TMEM117: variants seen among roughly 807,000 people sequenced by gnomAD.
TMEM117 encodes transmembrane protein 117.
TMEM117 carries 27 observed loss-of-function variants against 52.4 expected under a neutral mutation model. That is an observed-to-expected ratio of 0.51 (90% CI 0.38 to 0.71). The LOEUF (loss-of-function observed/expected upper bound fraction) is 0.71, where lower values mean the gene tolerates loss of function less well. Ranked by LOEUF, TMEM117 falls within the 30% of genes least tolerant of loss-of-function variation. The pLI, the probability that TMEM117 is intolerant of heterozygous loss-of-function variation, is 0.00. For missense variants in TMEM117, 556 were observed against 630.5 expected, an observed-to-expected ratio of 0.88 and a Z score of 1.26; for synonymous variants, 215 against 206.3, an observed-to-expected ratio of 1.04 and a Z score of -0.36.
intron 1 of TMEM117, among the ~76,000 whole-genome samples, chr12:43,836,994 C>G (rs1458008646): frequency 6.6e-6 from 1 of 152,172 alleles, no homozygotes; most frequent in Non-Finnish European, 1.5e-5. Flanking sequence ...GCTTCAGAAA[C>G]AAGGTCTTCC....
At chr12:43,951,033 A>G (rs1816871510) in intron 3 of TMEM117, among the ~76,000 whole-genome samples, 1 of 152,212 alleles carries the variant, frequency 6.6e-6, no homozygotes, top group Admixed American at 6.5e-5. Flanking sequence ...TGCTTCACCC[A>G]GGAAGTGCAT....
chr12:44,205,864 G>T (rs1030687200), intron 4 of TMEM117, among the ~76,000 whole-genome samples: 4 of 152,166 alleles, frequency 2.6e-5, no homozygotes, highest in Non-Finnish European at 5.9e-5. Flanking sequence ...ATTTCACAAA[G>T]AACTTAAAAT....
chr12:43,985,834 T>C (rs941400489), intron 3 of TMEM117, among the ~76,000 whole-genome samples: 1 of 152,194 alleles, frequency 6.6e-6, no homozygotes, highest in Non-Finnish European at 1.5e-5. Context: ...TAACATAATA[T>C]GTCATGCTGA....
At chr12:43,912,861 G>A (rs545893228) in intron 2 of TMEM117, among the ~76,000 whole-genome samples, 1 of 151,906 alleles carries the variant, frequency 6.6e-6, no homozygotes, top group African/African-American at 2.4e-5. Context: ...TCTTCCTGTT[G>A]TATCTGTCTG....
At chr12:44,200,713 G>A (rs187141531) in intron 4 of TMEM117, among the ~76,000 whole-genome samples, 18 of 152,200 alleles carry the variant, frequency 1.2e-4, no homozygotes, top group South Asian at 2.1e-4. Context: ...ATGCAGTGAC[G>A]GTCAACTATG....
chr12:44,358,393 A>G (rs1459359526), intron 6 of TMEM117, among the ~76,000 whole-genome samples: 1 of 152,182 alleles, frequency 6.6e-6, no homozygotes, highest in Non-Finnish European at 1.5e-5. Flanking sequence ...GTATTCTTTA[A>G]TTAGAAATTC....
chr12:44,237,326 T>G (rs1372605854), intron 5 of TMEM117, among the ~76,000 whole-genome samples: 5 of 152,110 alleles, frequency 3.3e-5, no homozygotes, highest in Non-Finnish European at 7.4e-5. Context: ...GGTTTTTTTT[T>G]TACCTTCATA....
chr12:44,265,728 C>T (rs183170113), intron 5 of TMEM117, among the ~76,000 whole-genome samples: 9 of 152,104 alleles, frequency 5.9e-5, no homozygotes, highest in Admixed American at 2.6e-4. Context: ...CCAAAAGAAA[C>T]GCCCTACCTA....
intron 2 of TMEM117, among the ~76,000 whole-genome samples, chr12:43,895,587 T>A (rs1026238054): frequency 6.6e-6 from 1 of 152,218 alleles, no homozygotes; most frequent in Non-Finnish European, 1.5e-5. Flanking sequence ...TGACACCATC[T>A]TCAATACAAC....
chr12:44,086,984 A>T (rs1176861036), intron 3 of TMEM117, among the ~76,000 whole-genome samples: 1 of 147,654 alleles, frequency 6.8e-6, no homozygotes, highest in Admixed American at 6.8e-5. Context: ...TATATAATAT[A>T]TAATTAATAA....
chr12:43,967,819 T>G (rs188482795), intron 3 of TMEM117, among the ~76,000 whole-genome samples: 1 of 152,346 alleles, frequency 6.6e-6, no homozygotes, highest in East Asian at 1.9e-4. Context: ...TAGCAGTGGA[T>G]AACTAATGCA....
intron 3 of TMEM117, among the ~76,000 whole-genome samples, chr12:44,019,499 G>C (rs970412772): frequency 6.6e-6 from 1 of 151,904 alleles, no homozygotes; most frequent in Non-Finnish European, 1.5e-5. Flanking sequence ...TCCTGATCTG[G>C]GGCTCTCTTC....
chr12:44,179,970 T>A (rs1046608441), intron 4 of TMEM117, among the ~76,000 whole-genome samples: 5 of 152,118 alleles, frequency 3.3e-5, no homozygotes, highest in African/African-American at 1.2e-4. Flanking sequence ...TGCCACCCCT[T>A]AGGGCCTCAG....
intron 6 of TMEM117, among the ~76,000 whole-genome samples, chr12:44,330,988 A>T (rs990313428): frequency 2.6e-5 from 4 of 152,048 alleles, no homozygotes; most frequent in Non-Finnish European, 5.9e-5. Context: ...AAGTTTAAAA[A>T]CATTGTTTAG....
chr12:44,377,179 CA>C (rs1423666864), intron 7 of TMEM117, among the ~76,000 whole-genome samples: 4 of 152,146 alleles, frequency 2.6e-5, no homozygotes, highest in Admixed American at 2.6e-4. Flanking sequence ...AGAGGGAAGA[CA>C]AATCTTTGCT....
At chr12:44,226,733 T>G (rs1949866922) in intron 5 of TMEM117, among the ~76,000 whole-genome samples, 1 of 151,618 alleles carries the variant, frequency 6.6e-6, no homozygotes, top group South Asian at 2.1e-4. Flanking sequence ...ACACACAGAG[T>G]GTAGATTATG....
intron 5 of TMEM117, chr12:44,263,685 A>T (rs1950346306): frequency 6.6e-6 from 1 of 152,212 alleles, no homozygotes; most frequent in Non-Finnish European, 1.5e-5. Context: ...CCTTTAAAGC[A>T]AGATAATGCC....
intron 6 of TMEM117, among the ~76,000 whole-genome samples, chr12:44,327,108 T>C (rs1951206375): frequency 6.6e-6 from 1 of 152,150 alleles, no homozygotes; most frequent in African/African-American, 2.4e-5. Flanking sequence ...CTGTAGGTAC[T>C]GGGGCTACAA....
intron 4 of TMEM117, among the ~76,000 whole-genome samples, chr12:44,209,951 C>A (rs968105303): frequency 6.6e-6 from 1 of 152,046 alleles, no homozygotes; most frequent in Non-Finnish European, 1.5e-5. Flanking sequence ...GGTCACTGAT[C>A]TAAAAGGACT....
Sources: gnomAD v4.1 joint callset for allele counts (sites outside exome capture counted in the v4.1 genomes callset) on GRCh38, gnomAD v4.1.1 for gene constraint, MANE v1.5 for transcripts, NCBI Gene and HGNC (gene_info 2026-07-23, HGNC 2026-07-21) for gene names.